The following NLGN4Y variants were observed in gnomAD, a reference collection of about 807,000 sequenced individuals.
The protein encoded by NLGN4Y is neuroligin 4 Y-linked.
A neutral mutation model predicts 8.4 loss-of-function variants in NLGN4Y; 4 were observed. The ratio of observed to expected loss-of-function variants is 0.48; its 90% confidence interval spans 0.23 to 1.09. The LOEUF (loss-of-function observed/expected upper bound fraction) is 1.09. Among genes scored for constraint, NLGN4Y ranks in the 50% least tolerant of loss-of-function variants. NLGN4Y has a pLI of 0.19. For missense variants in NLGN4Y, 90 were observed against 192.3 expected (o/e 0.47, Z 3.15); for synonymous variants, 35 against 75.6 (o/e 0.46, Z 2.78).
rs367832142 is a variant in NLGN4Y at position 14,676,869 on chromosome Y, CTT to C, written c.473-42587_473-42586del. Among the ~76,000 whole-genome samples the C allele has an allele frequency of 5.3e-3, 178 of 33,750 alleles. No individual in the cohort carries two copies. The South Asian group carries it at 0.079, about 15-fold the overall frequency. The allele number at this position is 33,750 out of a possible 37,273, so 90.5% of individuals were successfully genotyped here. The stretch of plus-strand genomic sequence containing the variant: ...CAAGATAAAAACTGATTTTACTTCT[CTT>C]TTCTCACCACTTATGTAAATAGATA... On this transcript the variant is annotated intron_variant, in intron 2 of 6. Coordinates refer to ENST00000684976, the MANE Select transcript of NLGN4Y (RefSeq NM_001365588.1).
intron 1 of NLGN4Y, among the ~76,000 whole-genome samples, chrY:14,589,675 A>C (rs2080358829): frequency 2.9e-5 from 1 of 34,214 alleles, no homozygotes; most frequent in Non-Finnish European, 7.3e-5. Context: ...GCTACATATA[A>C]AGATTCTCCA....
chrY:14,744,418 G>A (rs778842889), intron 4 of NLGN4Y, among the ~76,000 whole-genome samples: 6 of 33,714 alleles, frequency 1.8e-4, no homozygotes, highest in African/African-American at 5.8e-4. Context: ...CATCTTTGAA[G>A]TAGAGCCTCA....
At chrY:14,631,863 C>T in intron 2 of NLGN4Y, among the ~76,000 whole-genome samples, 2 of 33,508 alleles carry the variant, frequency 6.0e-5, no homozygotes, top group African/African-American at 2.3e-4. Context: ...TTTGAATGTA[C>T]GCCTTGTTTA....
At chrY:14,790,932 G>A (rs780731541) in intron 4 of NLGN4Y, among the ~76,000 whole-genome samples, 9 of 33,722 alleles carry the variant, frequency 2.7e-4, no homozygotes, top group East Asian at 1.6e-3. Flanking sequence ...TCCAAATTCC[G>A]TTAAGTACAT....
intron 4 of NLGN4Y, among the ~76,000 whole-genome samples, chrY:14,788,068 C>T (rs2042973628): frequency 3.0e-5 from 1 of 33,577 alleles, no homozygotes; most frequent in East Asian, 7.8e-4. Context: ...TCAAATTTCA[C>T]GTAAGCATAT....
intron 1 of NLGN4Y, among the ~76,000 whole-genome samples, chrY:14,562,858 G>A (rs2150476281): frequency 6.0e-5 from 2 of 33,163 alleles, no homozygotes; most frequent in East Asian, 1.6e-3. Context: ...TTCTGTTATC[G>A]GTGTATAGGA....
chrY:14,613,345 GA>G (rs2080475980), intron 1 of NLGN4Y, among the ~76,000 whole-genome samples: 1 of 32,960 alleles, frequency 3.0e-5, no homozygotes, highest in Non-Finnish European at 7.5e-5. Flanking sequence ...GGGCATGGAA[GA>G]AACAAAAACA....
At chrY:14,636,231 A>AT (rs2080564930) in intron 2 of NLGN4Y, among the ~76,000 whole-genome samples, 1 of 33,543 alleles carries the variant, frequency 3.0e-5, no homozygotes, top group East Asian at 7.8e-4. Flanking sequence ...TCTAATGCAT[A>AT]TTTTTTTCTA....
chrY:14,554,803 AG>A (rs2080205996), intron 1 of NLGN4Y, among the ~76,000 whole-genome samples: 1 of 33,606 alleles, frequency 3.0e-5, no homozygotes, highest in Non-Finnish European at 7.3e-5. Flanking sequence ...TGGTAGAAAC[AG>A]GTGTCCTGAG....
intron 1 of NLGN4Y, among the ~76,000 whole-genome samples, chrY:14,536,396 A>G (rs2080133946): frequency 3.3e-5 from 1 of 29,961 alleles, no homozygotes; most frequent in Non-Finnish European, 7.9e-5. Flanking sequence ...ACAGGCGCCC[A>G]CCACCGCGCC....
intron 4 of NLGN4Y, among the ~76,000 whole-genome samples, chrY:14,809,151 C>T: frequency 8.8e-5 from 3 of 34,119 alleles, no homozygotes. Flanking sequence ...AATCACTCTC[C>T]ACTGTTTGAA....
chrY:14,582,644 C>T (rs901232049), intron 1 of NLGN4Y, among the ~76,000 whole-genome samples: 7 of 32,994 alleles, frequency 2.1e-4, no homozygotes, highest in Non-Finnish European at 3.7e-4. Flanking sequence ...GCCTGTAGTC[C>T]CAGCTTCTTG....
chrY:14,598,793 C>G, intron 1 of NLGN4Y, among the ~76,000 whole-genome samples: 1 of 29,331 alleles, frequency 3.4e-5, no homozygotes, highest in African/African-American at 1.4e-4. Flanking sequence ...TCTGCTACTC[C>G]GCTGCTCTAC....
chrY:14,560,480 T>C (rs2080223759), intron 1 of NLGN4Y, among the ~76,000 whole-genome samples: 1 of 33,475 alleles, frequency 3.0e-5, no homozygotes, highest in Non-Finnish European at 7.4e-5. Context: ...GTTTATAGAA[T>C]GGAAAACAAG....
intron 4 of NLGN4Y, among the ~76,000 whole-genome samples, chrY:14,737,540 G>T (rs2080994458): frequency 6.1e-5 from 2 of 32,788 alleles, no homozygotes; most frequent in African/African-American, 2.4e-4. Flanking sequence ...TTATATGATT[G>T]GATAATGTGG....
intron 2 of NLGN4Y, among the ~76,000 whole-genome samples, chrY:14,627,400 G>A: frequency 3.0e-5 from 1 of 33,721 alleles, no homozygotes; most frequent in Non-Finnish European, 7.4e-5. Flanking sequence ...CGTTGGGGGG[G>A]CTAGGGCATG....
intron 2 of NLGN4Y, among the ~76,000 whole-genome samples, chrY:14,637,594 A>G (rs981213716): frequency 5.9e-5 from 2 of 33,688 alleles, no homozygotes; most frequent in Admixed American, 5.6e-4. Context: ...AGAAAATAGG[A>G]TACCTCCATT....
chrY:14,695,701 C>G (rs758483535), intron 2 of NLGN4Y, among the ~76,000 whole-genome samples: 39 of 33,148 alleles, frequency 1.2e-3, no homozygotes, highest in Admixed American at 7.5e-3. Flanking sequence ...TCAGTGTATT[C>G]ATTTTCTTTT....
chrY:14,756,545 C>T (rs2081057789), intron 4 of NLGN4Y, among the ~76,000 whole-genome samples: 3 of 29,271 alleles, frequency 1.0e-4, no homozygotes, highest in East Asian at 8.5e-4. Flanking sequence ...TTCAGGAGTT[C>T]GACACCAGCC....
Sources: gnomAD v4.1 joint callset for allele counts (sites outside exome capture counted in the v4.1 genomes callset) on GRCh38, gnomAD v4.1.1 for gene constraint, MANE v1.5 for transcripts, NCBI Gene and HGNC (gene_info 2026-07-23, HGNC 2026-07-21) for gene names.